The following PDE7A variants were observed in gnomAD, a reference collection of about 807,000 sequenced individuals.
The protein encoded by PDE7A is high affinity 3',5'-cyclic-AMP phosphodiesterase 7A.
In PDE7A, 39 loss-of-function variants were observed where a neutral mutation model predicts 64.3. That is an observed-to-expected ratio of 0.61 (90% CI 0.47 to 0.79). PDE7A has a LOEUF of 0.79. Among genes scored for constraint, PDE7A ranks in the 30% least tolerant of loss-of-function variants. The pLI, the probability that PDE7A is intolerant of heterozygous loss-of-function variation, is 0.00. For missense variants in PDE7A, 470 were observed against 582.8 expected (o/e 0.81, Z 1.99); for synonymous variants, 203 against 206.8 (o/e 0.98, Z 0.16).
In PDE7A at chr8:65,799,640, G is replaced by GT. The variant is rs577415862; in HGVS notation, c.139-16798dup. On this transcript the variant is annotated intron_variant, in intron 1 of 12. Transcript: ENST00000401827. ...TTGATTTGCTTTAATGTTAGGAGAG[G>GT]TTAAGTGTCTGGATACTAAGGACAA... Among the ~76,000 whole-genome samples, 22 of 152,302 alleles carry GT rather than the reference G, an allele frequency of 1.4e-4. No homozygotes were observed. The South Asian group carries it at 4.6e-3, about 32-fold the overall frequency.
At chr8:65,729,803 A>T (rs1253761293) in intron 7 of PDE7A, among the ~76,000 whole-genome samples, 1 of 151,786 alleles carries the variant, frequency 6.6e-6, no homozygotes, top group Non-Finnish European at 1.5e-5. Context: ...TCCTAATCTC[A>T]GGTGATCCGC....
intron 1 of PDE7A, among the ~76,000 whole-genome samples, chr8:65,791,023 C>G (rs888671538): frequency 6.6e-6 from 1 of 152,166 alleles, no homozygotes; most frequent in Non-Finnish European, 1.5e-5. Context: ...GATGCTTGGC[C>G]CAGGGATGCT....
intron 1 of PDE7A, among the ~76,000 whole-genome samples, chr8:65,792,165 T>C (rs1263624823): frequency 6.6e-6 from 1 of 152,234 alleles, no homozygotes; most frequent in Non-Finnish European, 1.5e-5. Context: ...AGTTGTCTCA[T>C]ATCCTTAGTG....
rs1407667086 is a variant in PDE7A, at chr8:65,718,628, G to C, written c.*662C>G. On this transcript the variant is annotated 3_prime_UTR_variant, in exon 13 of 13. Coordinates refer to ENST00000401827, the MANE Select transcript of PDE7A (RefSeq NM_001242318.3). Reference sequence around the variant, plus strand: ...GAGTGAAAGCTTGGCGGTACTCTACGATAAATGCTCAGTTTCCAGTGCATG... The same window carrying C: ...GAGTGAAAGCTTGGCGGTACTCTACCATAAATGCTCAGTTTCCAGTGCATG... 6.6e-6 allele frequency: 1 copy of C among 152,432 alleles called. No homozygotes were observed. Among genetic ancestry groups the C allele is most frequent in the African/African-American group, 2.4e-5 (1 of 41,466 alleles). 9.4% of individuals were successfully genotyped at this position (152,432 alleles called of 1,614,324 possible).
chr8:65,831,362 G>T (rs1810817106), intron 1 of PDE7A, among the ~76,000 whole-genome samples: 1 of 152,008 alleles, frequency 6.6e-6, no homozygotes, highest in Non-Finnish European at 1.5e-5. Flanking sequence ...CTTCCTATTT[G>T]CATTTTTGTT....
intron 1 of PDE7A, among the ~76,000 whole-genome samples, chr8:65,829,035 CTTCA>C (rs1239421470): frequency 3.3e-5 from 5 of 152,014 alleles, no homozygotes; most frequent in Admixed American, 6.5e-5. Context: ...TTTAGAATAA[CTTCA>C]TTGTTTTTCT....
At chr8:65,759,339 A>C (rs1018458019) in intron 3 of PDE7A, among the ~76,000 whole-genome samples, 3 of 152,208 alleles carry the variant, frequency 2.0e-5, no homozygotes, top group African/African-American at 7.2e-5. Flanking sequence ...TGAGGCCAAG[A>C]GGGCCAAATC....
chr8:65,759,103 T>C (rs769091193), intron 3 of PDE7A, among the ~76,000 whole-genome samples: 3 of 152,218 alleles, frequency 2.0e-5, no homozygotes, highest in African/African-American at 4.8e-5. Flanking sequence ...ACGGGGATAC[T>C]TGCTTGCATT....
At chr8:65,830,457 C>T (rs768137087) in intron 1 of PDE7A, among the ~76,000 whole-genome samples, 1 of 151,802 alleles carries the variant, frequency 6.6e-6, no homozygotes, top group Non-Finnish European at 1.5e-5. Flanking sequence ...CTACTAAATT[C>T]GTAAGTGAGG....
At chr8:65,798,675 T>TA (rs1408393037) in intron 1 of PDE7A, among the ~76,000 whole-genome samples, 1 of 152,204 alleles carries the variant, frequency 6.6e-6, no homozygotes, top group Non-Finnish European at 1.5e-5. Flanking sequence ...AACTACAAGA[T>TA]ACTATTAACC....
chr8:65,775,302 C>T (rs1185161634), intron 3 of PDE7A, among the ~76,000 whole-genome samples: 2 of 152,096 alleles, frequency 1.3e-5, no homozygotes, highest in African/African-American at 4.8e-5. Flanking sequence ...TTAACAACTA[C>T]TTTATCTTTT....
intron 3 of PDE7A, among the ~76,000 whole-genome samples, chr8:65,770,388 G>A (rs1375229483): frequency 1.3e-5 from 2 of 152,214 alleles, no homozygotes; most frequent in Admixed American, 1.3e-4. Context: ...GCAGGCAAGG[G>A]TGAATGAGAG....
intron 6 of PDE7A, among the ~76,000 whole-genome samples, chr8:65,735,972 T>C (rs1184284420): frequency 6.6e-6 from 1 of 152,158 alleles, no homozygotes; most frequent in East Asian, 1.9e-4. Context: ...CCCCTCATAT[T>C]CTTGGGGGAT....
intron 3 of PDE7A, among the ~76,000 whole-genome samples, chr8:65,775,985 T>C (rs1247092900): frequency 1.3e-5 from 2 of 152,170 alleles, no homozygotes; most frequent in Non-Finnish European, 2.9e-5. Flanking sequence ...TTGCTATATC[T>C]AATTCCCATC....
intron 1 of PDE7A, among the ~76,000 whole-genome samples, chr8:65,784,634 T>C (rs991972330): frequency 6.6e-6 from 1 of 151,986 alleles, no homozygotes. Flanking sequence ...ATGGTAAAAG[T>C]TATCACAAAC....
rs1398909 is a variant in PDE7A, at chr8:65,793,680, C to G, written c.139-10837G>C. On this transcript the variant is annotated intron_variant, in intron 1 of 12. Coordinates refer to ENST00000401827, the MANE Select transcript of PDE7A (RefSeq NM_001242318.3). Reference sequence around the variant, plus strand: ...CATGATTACATGCATATTTTAATGTCGACAGGGATACAATATAAGGAATAG... The same window carrying G: ...CATGATTACATGCATATTTTAATGTGGACAGGGATACAATATAAGGAATAG... 7.4e-3 allele frequency among the ~76,000 whole-genome samples: 1,126 copies of G among 152,040 alleles called. 42 individuals carry two copies. Among genetic ancestry groups the G allele is most frequent in the East Asian group, 0.055 (285 of 5,176 alleles).
In PDE7A at chr8:65,782,861, C is replaced by T. The variant is rs1417148564; in HGVS notation, c.139-18G>A. 2 of 1,363,378 alleles carry T rather than the reference C, an allele frequency of 1.5e-6. No homozygotes were observed. The highest frequency in any genetic ancestry group is 1.4e-5 in the African/African-American group (1 of 69,418). 84.5% of individuals were successfully genotyped at this position (1,363,378 alleles called of 1,614,324 possible). A position where few individuals can be genotyped will look rare whatever the true frequency, so the allele number is the denominator to read the frequency against. ...CCACGCCTCTAGAAAAAAAAATACA[C>T]ATTATAATACATGACAATTAAATAT... On this transcript the variant is annotated intron_variant, in intron 1 of 12. Transcript: ENST00000401827.
chr8:65,753,339 T>C (rs1057251197), intron 3 of PDE7A, among the ~76,000 whole-genome samples: 1 of 152,202 alleles, frequency 6.6e-6, no homozygotes, highest in Non-Finnish European at 1.5e-5. Context: ...ACTACCCAAA[T>C]GGCTCTCTCC....
At chr8:65,736,199 G>T (rs1807121404) in intron 6 of PDE7A, among the ~76,000 whole-genome samples, 1 of 152,118 alleles carries the variant, frequency 6.6e-6, no homozygotes, top group Admixed American at 6.5e-5. Context: ...TAAAATAAGG[G>T]TGACGAACAC....
Sources: gnomAD v4.1 joint callset for allele counts (sites outside exome capture counted in the v4.1 genomes callset) on GRCh38, gnomAD v4.1.1 for gene constraint, MANE v1.5 for transcripts, NCBI Gene and HGNC (gene_info 2026-07-23, HGNC 2026-07-21) for gene names.